CHRNA3: variants seen among roughly 807,000 people sequenced by gnomAD.
CHRNA3 encodes the protein cholinergic receptor nicotinic alpha 3 subunit, also known as neuronal acetylcholine receptor subunit alpha-3.
Under a neutral mutation model 41.9 loss-of-function variants are expected in CHRNA3, and 34 were observed. The ratio of observed to expected loss-of-function variants is 0.81; its 90% CI spans 0.62 to 1.08. CHRNA3 has a LOEUF of 1.08. CHRNA3 is among the 50% of genes least tolerant of loss of function. The probability of loss-of-function intolerance (pLI) is 0.00; values close to 1 mark genes in which losing one functional copy is unlikely to be tolerated. For synonymous variants in CHRNA3, 281 were observed against 265.2 expected, an observed-to-expected ratio of 1.06 and a Z score of -0.58; for missense variants, 542 against 638.3, an observed-to-expected ratio of 0.85 and a Z score of 1.63.
At chr15:78,593,259 C>T (rs199796617), downstream of CHRNA3, 1 of 1,606,068 alleles carries the variant, frequency 6.2e-7, no homozygotes, top group Non-Finnish European at 8.5e-7. Flanking sequence ...AGTGAAGCCT[C>T]CCAAGGGACT....
chr15:78,594,812 A>G (rs1187215075), downstream of CHRNA3: 1 of 152,236 alleles, frequency 6.6e-6, no homozygotes, highest in South Asian at 2.1e-4. Flanking sequence ...AACAATTACA[A>G]TAATAGAATC....
chr15:78,597,655 G>A (rs1335087978), intron 5 of CHRNA3, among the ~76,000 whole-genome samples: 2 of 152,104 alleles, frequency 1.3e-5, no homozygotes, highest in African/African-American at 4.8e-5. Flanking sequence ...AGTAAAAGAT[G>A]GGAGAAAAAG....
chr15:78,605,170 G>A (rs1486951430), intron 4 of CHRNA3, among the ~76,000 whole-genome samples: 1 of 152,132 alleles, frequency 6.6e-6, no homozygotes, highest in African/African-American at 2.4e-5. Flanking sequence ...CATACAGGGG[G>A]CATTTAAGAA....
rs1260947128 is a variant in CHRNA3 at position 78,620,730 on chromosome 15, AG to A, written c.64del (p.Leu22CysfsTer32). Reference protein sequence around the residue: ...LSPPRLLLLLLLSLLPVARAS... With the variant: ...LSPPRLLLLLXLSLLPVARAS... ...GCGCGTACCTGGCAGCAGAGACAGC[AG>A]CAGCAGCAGCAGCAGCCGCGGCGGC... is the stretch of plus-strand genomic sequence containing the variant. On this transcript the variant is annotated frameshift_variant, in exon 1 of 6. Transcript: ENST00000326828. LOFTEE classifies it high-confidence loss of function. The A allele has an allele frequency of 3.0e-6, 3 of 1,000,314 alleles. No homozygotes were observed. The highest frequency in any genetic ancestry group is 3.0e-5 in the Admixed American group (1 of 32,944). 62.0% of individuals were successfully genotyped at this position (1,000,314 alleles called of 1,614,324 possible). A position where few individuals can be genotyped will look rare whatever the true frequency, so the allele number is the denominator to read the frequency against.
intron 4 of CHRNA3, among the ~76,000 whole-genome samples, chr15:78,611,308 G>A (rs2141337777): frequency 6.6e-6 from 1 of 152,090 alleles, no homozygotes; most frequent in East Asian, 1.9e-4. Context: ...GAACATTGAT[G>A]CAAAAATCCT....
intron 3 of CHRNA3, among the ~76,000 whole-genome samples, chr15:78,618,039 G>C (rs373526586): frequency 7.0e-4 from 106 of 152,248 alleles, no homozygotes; most frequent in African/African-American, 2.3e-3. Flanking sequence ...TTGAGATCAG[G>C]CGTTCGAGAC....
At chr15:78,608,625 T>C (rs1216214227) in intron 4 of CHRNA3, among the ~76,000 whole-genome samples, 1 of 151,794 alleles carries the variant, frequency 6.6e-6, no homozygotes, top group African/African-American at 2.4e-5. Flanking sequence ...ACCACAAAGA[T>C]GGGGAAAAAA....
intron 4 of CHRNA3, among the ~76,000 whole-genome samples, chr15:78,615,739 ATTTTTTT>A (rs532401932): frequency 2.0e-5 from 2 of 101,872 alleles, no homozygotes; most frequent in African/African-American, 8.3e-5. Flanking sequence ...AGGCACCTGT[ATTTTTTT>A]TTTTTTTTTT....
intron 4 of CHRNA3, among the ~76,000 whole-genome samples, chr15:78,612,723 T>A (rs1224480442): frequency 1.5e-5 from 2 of 131,474 alleles, no homozygotes; most frequent in African/African-American, 6.1e-5. Context: ...ACAAATGGGA[T>A]CTAATTAAAC....
At chr15:78,618,487 A>AGTC in intron 3 of CHRNA3, 130 bp downstream of exon 3, 1 of 1,006,938 alleles carries the variant, frequency 9.9e-7, no homozygotes, top group Non-Finnish European at 1.5e-6. Context: ...TATATCTGCC[A>AGTC]GTCAGTGGAC....
chr15:78,618,776 C>G lies in CHRNA3; in HGVS notation c.222G>C (p.Val74=). The part of the protein sequence containing the change: ...FEVSMSQLVK[V]DEVNQIMETN... The stretch of plus-strand genomic sequence containing the variant: ...ACGGCTCGTGGCTTCCAGCACTCAC[C>G]ACCTTCACCAGCTGAGACATGGACA... The change falls in exon 2 of 6, where the codon GTG becomes GTC. Residue 74 remains valine, a splice_region_variant and synonymous_variant. Coordinates refer to ENST00000326828, the MANE Select transcript of CHRNA3 (RefSeq NM_000743.5). 6.2e-7 allele frequency: 1 copy of G among 1,614,120 alleles called. No homozygotes were observed. The highest frequency in any genetic ancestry group is 8.5e-7 in the Non-Finnish European group (1 of 1,180,030).
At position 78,602,198 on chromosome 15, in the gene CHRNA3, A is replaced by G; in HGVS notation, c.444T>C (p.Thr148=). ...KALLKYTGEV[T]WIPPAIFKSS... Reference sequence around the variant, plus strand: ...TCTTAAAGATGGCCGGAGGTATCCAAGTCACCTCCCCAGTGTACTTGAGTA... The same window carrying G: ...TCTTAAAGATGGCCGGAGGTATCCAGGTCACCTCCCCAGTGTACTTGAGTA... The change falls in exon 5 of 6, where the codon ACT becomes ACC. Residue 148 remains threonine (T), a synonymous_variant. Transcript: ENST00000326828. The G allele has an allele frequency of 6.2e-7, 1 of 1,614,156 alleles. No homozygotes were observed. Among genetic ancestry groups the G allele is most frequent in the South Asian group, 1.1e-5 (1 of 91,080 alleles).
chr15:78,598,568 G>GT (rs1567072501), intron 5 of CHRNA3, among the ~76,000 whole-genome samples: 1 of 151,750 alleles, frequency 6.6e-6, no homozygotes, highest in Non-Finnish European at 1.5e-5. Context: ...GCAATTTTTT[G>GT]TTTTTTGAGA....
chr15:78,596,318 CATT>C lies in CHRNA3; in HGVS notation c.*283_*285del. On this transcript the variant is annotated 3_prime_UTR_variant, in exon 6 of 6. Coordinates refer to ENST00000326828, the MANE Select transcript of CHRNA3 (RefSeq NM_000743.5). Reference sequence around the variant, plus strand: ...TTTTGTTTCAACAACTAAAAGGAAACATTTTTACATGTATATTCCATAGCATAG... The same window carrying C: ...TTTTGTTTCAACAACTAAAAGGAAACTTTACATGTATATTCCATAGCATAG... The C allele has an allele frequency of 9.7e-7, 1 of 1,032,418 alleles. No individual in the cohort carries two copies. Among genetic ancestry groups the C allele is most frequent in the South Asian group, 4.5e-5 (1 of 22,032 alleles). 64.0% of individuals were successfully genotyped at this position (1,032,418 alleles called of 1,614,324 possible). A position where few individuals can be genotyped will look rare whatever the true frequency, so the allele number is the denominator to read the frequency against.
At chr15:78,595,168 G>A, downstream of CHRNA3, 2 of 421,148 alleles carry the variant, frequency 4.7e-6, no homozygotes, top group Non-Finnish European at 6.4e-6. Flanking sequence ...GATGAATTTA[G>A]ATTGCCTGCC....
chr15:78,597,171 A>C (rs2053126190), intron 5 of CHRNA3, among the ~76,000 whole-genome samples: 1 of 152,198 alleles, frequency 6.6e-6, no homozygotes, highest in South Asian at 2.1e-4. Context: ...TCACGCCTGT[A>C]ATCCCAGCAC....
chr15:78,602,764 C>A (rs1305476794), intron 4 of CHRNA3, among the ~76,000 whole-genome samples: 2 of 152,138 alleles, frequency 1.3e-5, no homozygotes, highest in Non-Finnish European at 2.9e-5. Flanking sequence ...GGGGAGTCCA[C>A]CCCCATTAAA....
rs2053497804 is a variant in CHRNA3 at position 78,618,433 on chromosome 15, G to A, written c.267+184C>T. On this transcript the variant is annotated intron_variant, in intron 3 of 5. Coordinates refer to ENST00000326828, the MANE Select transcript of CHRNA3 (RefSeq NM_000743.5). ...GGGTTGGGCCCTACAGTCCTTCCAG[G>A]GGGACTGTAGGGCAGTGCATGTGAC... The A allele has an allele frequency of 9.4e-6, 6 of 638,836 alleles. No homozygotes were observed. In the South Asian group the frequency reaches 1.2e-4, roughly 13 times the overall value. 39.6% of individuals were successfully genotyped at this position (638,836 alleles called of 1,614,324 possible).
intron 4 of CHRNA3, among the ~76,000 whole-genome samples, chr15:78,611,381 T>A (rs1333147558): frequency 3.3e-5 from 5 of 151,518 alleles, no homozygotes; most frequent in African/African-American, 1.2e-4. Context: ...CATGATCAAG[T>A]GGGCTTCATC....
Sources: allele counts gnomAD v4.1 joint callset (sites outside exome capture counted in the v4.1 genomes callset), GRCh38; gene constraint gnomAD v4.1.1; transcripts MANE v1.5; gene names NCBI Gene and HGNC (gene_info 2026-07-23, HGNC 2026-07-21).